CNOT10: variants seen among roughly 807,000 people sequenced by gnomAD.
CNOT10 encodes the protein CCR4-NOT transcription complex subunit 10, also known as CCR4-NOT transcription complex, subunit 10.
In CNOT10, 30 loss-of-function variants were observed where a neutral mutation model predicts 94.6. That is an observed-to-expected ratio of 0.32 (90% CI 0.24 to 0.43). The LOEUF is 0.43. Among genes scored for constraint, CNOT10 ranks in the 20% least tolerant of loss-of-function variants. The pLI is 1.00. For missense variants in CNOT10, 759 were observed against 877.2 expected (o/e 0.87, Z 1.70); for synonymous variants, 289 against 301.6 (o/e 0.96, Z 0.43).
At chr3:32,719,398 T>C (rs924938246) in intron 7 of CNOT10, among the ~76,000 whole-genome samples, 2 of 152,134 alleles carry the variant, frequency 1.3e-5, no homozygotes, top group African/African-American at 4.8e-5. Flanking sequence ...CCAGCCTGGG[T>C]GACAGAGCAA....
intron 1 of CNOT10, chr3:32,695,593 A>G (rs1014191156): frequency 6.5e-7 from 1 of 1,533,008 alleles, no homozygotes; most frequent in African/African-American, 1.4e-5. Context: ...TTTTCTGCTT[A>G]GTTCAAACCT....
Position 32,725,434 on chromosome 3 carries a change from T to C in CNOT10, c.863-16T>C. The C allele has an allele frequency of 6.2e-7, 1 of 1,611,832 alleles. No homozygotes were observed. The highest frequency in any genetic ancestry group is 8.5e-7 in the Non-Finnish European group (1 of 1,178,408). ...TAAAATTTTTCTGTGGACAAATTTATTTGCATTTTTTTCAGGTGAATGCTT... is the reference window on the plus strand; with the variant it reads ...TAAAATTTTTCTGTGGACAAATTTACTTGCATTTTTTTCAGGTGAATGCTT... On this transcript the variant is annotated splice_polypyrimidine_tract_variant and intron_variant, in intron 8 of 18. Transcript: ENST00000328834.
intron 18 of CNOT10, 107 bp downstream of exon 18, chr3:32,770,069 C>T: frequency 1.3e-6 from 1 of 792,928 alleles, no homozygotes; most frequent in East Asian, 2.6e-5. Context: ...GCAGTGGTAC[C>T]ATCAGAGCTC....
In CNOT10 at chr3:32,685,210, G is replaced by A. The variant is rs1277768120; in HGVS notation, c.-251G>A. 41 of 426,416 alleles carry A rather than the reference G, an allele frequency of 9.6e-5. No homozygotes were observed. The Admixed American group carries it at 1.7e-3, about 18-fold the overall frequency. 26.4% of individuals were successfully genotyped at this position (426,416 alleles called of 1,614,324 possible). A position where few individuals can be genotyped will look rare whatever the true frequency, so the allele number is the denominator to read the frequency against. ...AGTAGTGGGTACCGGGACGCCGTGAGGCGGAAGCTGTGTATGGCGGGAGGC... is the reference window on the plus strand; with the variant it reads ...AGTAGTGGGTACCGGGACGCCGTGAAGCGGAAGCTGTGTATGGCGGGAGGC... On this transcript the variant is annotated 5_prime_UTR_variant, in exon 1 of 19. Coordinates refer to ENST00000328834, the MANE Select transcript of CNOT10 (RefSeq NM_015442.3).
chr3:32,734,581 A>G (rs527310013), intron 11 of CNOT10, among the ~76,000 whole-genome samples: 2 of 152,302 alleles, frequency 1.3e-5, no homozygotes, highest in South Asian at 4.1e-4. Context: ...GACACAGTGT[A>G]TGTAATTTAT....
intron 9 of CNOT10, among the ~76,000 whole-genome samples, chr3:32,726,693 C>CAAT (rs1559495389): frequency 1.1e-3 from 90 of 82,898 alleles, no homozygotes; most frequent in African/African-American, 1.4e-3. Context: ...GAGACTCTGT[C>CAAT]CATAATAATA....
At chr3:32,712,041 A>AACTT (rs772448521) in intron 4 of CNOT10, among the ~76,000 whole-genome samples, 34 of 152,230 alleles carry the variant, frequency 2.2e-4, no homozygotes, top group Non-Finnish European at 4.6e-4. Flanking sequence ...ACACCAGGTT[A>AACTT]ACTTTCCTCT....
chr3:32,764,830 A>G, intron 17 of CNOT10, 21 bp downstream of exon 17: 5 of 1,610,914 alleles, frequency 3.1e-6, no homozygotes, highest in East Asian at 2.2e-5. Flanking sequence ...AGTGGGAGGA[A>G]CTGAACCTTG....
intron 13 of CNOT10, among the ~76,000 whole-genome samples, chr3:32,754,370 G>A (rs563220906): frequency 7.0e-6 from 1 of 142,070 alleles, no homozygotes; most frequent in Non-Finnish European, 1.5e-5. Flanking sequence ...CCAGCTACTC[G>A]GGAGGCTGAG....
chr3:32,754,487 A>AT lies in CNOT10; in HGVS notation c.1596-4971_1596-4970insT, dbSNP rs1296898874. On this transcript the variant is annotated intron_variant, in intron 13 of 18. Transcript: ENST00000328834. ...GCAAGACTCCGTCTCAAAAAAAAAAAAAATACATATATATATATATATTTA... is the reference window on the plus strand; with the variant it reads ...GCAAGACTCCGTCTCAAAAAAAAAAATAAATACATATATATATATATATTTA... Among the ~76,000 whole-genome samples the AT allele has an allele frequency of 5.5e-3, 347 of 62,662 alleles. 27 individuals carry two copies. The highest frequency in any genetic ancestry group is 0.018 in the African/African-American group (190 of 10,380). The allele number at this position is 62,662 out of a possible 152,430, so 41.1% of individuals were successfully genotyped here.
At chr3:32,739,944 A>C (rs1178775416) in intron 13 of CNOT10, among the ~76,000 whole-genome samples, 1 of 152,114 alleles carries the variant, frequency 6.6e-6, no homozygotes, top group Non-Finnish European at 1.5e-5. Flanking sequence ...AAAAGAAAAA[A>C]AATTATCTGG....
chr3:32,711,291 TAC>T (rs1697879584), intron 4 of CNOT10, among the ~76,000 whole-genome samples: 1 of 152,218 alleles, frequency 6.6e-6, no homozygotes, highest in Admixed American at 6.5e-5. Flanking sequence ...AGTATTTACA[TAC>T]AGTCTCTGTG....
Position 32,727,695 on chromosome 3 carries a change from G to T in CNOT10, c.1040G>T (p.Cys347Phe). ...PGKKFSGRPM[C>F]TLLTNKRYEL... ...AAAAAATTTTCAGGAAGACCCATGTGTACGTTACTAACCAATAAGAGATAT... is the reference window on the plus strand; with the variant it reads ...AAAAAATTTTCAGGAAGACCCATGTTTACGTTACTAACCAATAAGAGATAT... Residue 347 changes from cysteine to phenylalanine, a missense_variant, in exon 10 of 19, where the codon TGT (cysteine) becomes TTT (phenylalanine). Physicochemically the swap from Cys to Phe is radical, Grantham distance 205. This residue lies in a region of CNOT10 where 682 missense variants were observed against 799.4 expected (regional missense o/e 0.85). Transcript: ENST00000328834. 6.2e-7 allele frequency: 1 copy of T among 1,613,732 alleles called. No homozygotes were observed.
Position 32,773,552 on chromosome 3 carries a change from C to T in CNOT10, c.2176C>T (p.Pro726Ser). The T allele has an allele frequency of 6.2e-7, 1 of 1,614,204 alleles. No individual in the cohort carries two copies. Among genetic ancestry groups the T allele is most frequent in the Non-Finnish European group, 8.5e-7 (1 of 1,180,024 alleles). ...SEVRKKPVFQ[P>S]VHPIQPIQMP... ...AGTGAGAAAGAAGCCAGTGTTTCAG[C>T]CTGTCCACCCGATCCAGCCCATCCA... The change falls in exon 19 of 19, where the codon CCT becomes TCT. Residue 726 changes from proline (P) to serine (S), a missense_variant. Coordinates refer to ENST00000328834, the MANE Select transcript of CNOT10 (RefSeq NM_015442.3).
intron 11 of CNOT10, among the ~76,000 whole-genome samples, 181 bp downstream of exon 11, chr3:32,733,725 CA>C (rs1344657360): frequency 1.1e-4 from 16 of 152,096 alleles, no homozygotes; most frequent in Non-Finnish European, 2.9e-5. Flanking sequence ...TGTTATCTAA[CA>C]TGATTTTGGT....
At chr3:32,750,440 C>G (rs1188654670) in intron 13 of CNOT10, among the ~76,000 whole-genome samples, 2 of 152,082 alleles carry the variant, frequency 1.3e-5, no homozygotes, top group Non-Finnish European at 2.9e-5. Flanking sequence ...TGCAGTGAGC[C>G]AAGATCGCAC....
chr3:32,759,329 C>T (rs528643009), intron 13 of CNOT10, 129 bp from the exon 14 acceptor site: 14 of 644,808 alleles, frequency 2.2e-5, no homozygotes, highest in African/African-American at 1.5e-4. Context: ...CCATTAGTAC[C>T]GTGGCTTCCT....
intron 7 of CNOT10, among the ~76,000 whole-genome samples, chr3:32,719,551 GA>G (rs1323768685): frequency 1.3e-5 from 2 of 152,192 alleles, no homozygotes; most frequent in Non-Finnish European, 1.5e-5. Flanking sequence ...GGATTCTTAG[GA>G]GAAGTGAAAG....
At chr3:32,754,400 C>T (rs1292034987) in intron 13 of CNOT10, among the ~76,000 whole-genome samples, 1 of 138,040 alleles carries the variant, frequency 7.2e-6, no homozygotes, top group Non-Finnish European at 1.5e-5. Context: ...TGGCATGAAC[C>T]TGGGAGGCGG....
Sources: gnomAD v4.1 joint callset for allele counts (sites outside exome capture counted in the v4.1 genomes callset) on GRCh38, gnomAD v4.1.1 for gene constraint, gnomAD v4.1.1 regional missense constraint, MANE v1.5 for transcripts, NCBI Gene and HGNC (gene_info 2026-07-23, HGNC 2026-07-21) for gene names.